The following FTCDNL1 variants were observed in gnomAD, a reference collection of about 807,000 sequenced individuals.
FTCDNL1 encodes formiminotransferase N-terminal subdomain-containing protein.
A neutral mutation model predicts 5.9 loss-of-function variants in FTCDNL1; 11 were observed. The ratio of observed to expected loss-of-function variants is 1.87; its 90% CI spans 1.18 to 3.10. FTCDNL1 has a LOEUF of 3.10. Among genes scored for constraint, FTCDNL1 ranks in the 30% most tolerant of loss-of-function variants. FTCDNL1 has a pLI of 0.00. For missense variants in FTCDNL1, 115 were observed against 65.5 expected (o/e 1.76, Z -2.61); for synonymous variants, 58 against 24.8 (o/e 2.34, Z -3.99).
chr2:199,673,818 T>C, the FTCDNL1 span, among the ~76,000 whole-genome samples: 2 of 142,948 alleles, frequency 1.4e-5, no homozygotes, highest in Admixed American at 8.8e-5. Context: ...TTAATATTAA[T>C]ATGGAAAGTA....
chr2:199,713,651 G>A, the FTCDNL1 span, among the ~76,000 whole-genome samples: 3 of 152,158 alleles, frequency 2.0e-5, no homozygotes, highest in Non-Finnish European at 2.9e-5. Flanking sequence ...AGTGTGCCGT[G>A]TTAGTCTTAT....
chr2:199,816,176 T>C (rs909228042), intron 4 of FTCDNL1, among the ~76,000 whole-genome samples: 3 of 152,180 alleles, frequency 2.0e-5, no homozygotes, highest in African/African-American at 7.2e-5. Context: ...TATTCACTGA[T>C]CCTCCTTGAA....
chr2:199,707,825 T>C, the FTCDNL1 span, among the ~76,000 whole-genome samples: 15 of 152,108 alleles, frequency 9.9e-5, no homozygotes, highest in Non-Finnish European at 2.1e-4. Context: ...ATGTCTTTGT[T>C]CATCTATACA....
chr2:199,685,227 G>A, the FTCDNL1 span, among the ~76,000 whole-genome samples: 1 of 152,082 alleles, frequency 6.6e-6, no homozygotes, highest in Non-Finnish European at 1.5e-5. Flanking sequence ...AGGGGAAACA[G>A]CACCTAAGAG....
At chr2:199,742,479 C>T in the FTCDNL1 span, among the ~76,000 whole-genome samples, 1 of 152,160 alleles carries the variant, frequency 6.6e-6, no homozygotes. Flanking sequence ...ATTTTAATTT[C>T]TTCTTTATTC....
intron 3 of FTCDNL1, among the ~76,000 whole-genome samples, chr2:199,783,382 T>A (rs1327374550): frequency 6.6e-6 from 1 of 152,218 alleles, no homozygotes; most frequent in Non-Finnish European, 1.5e-5. Flanking sequence ...ATACCTACTT[T>A]AATGACACCA....
chr2:199,760,714 G>C (rs780821135), exon 4 of FTCDNL1: 41 of 693,324 alleles, frequency 5.9e-5, no homozygotes, highest in South Asian at 4.5e-4. Flanking sequence ...AAATGGTACT[G>C]TGTGTTGGTT....
chr2:199,685,013 G>A, the FTCDNL1 span, among the ~76,000 whole-genome samples: 47 of 151,926 alleles, frequency 3.1e-4, no homozygotes, highest in East Asian at 7.9e-3. Context: ...TGATCATTTC[G>A]TTAAAATTTA....
At chr2:199,764,205 A>T (rs1698402403) in intron 3 of FTCDNL1, among the ~76,000 whole-genome samples, 1 of 152,214 alleles carries the variant, frequency 6.6e-6, no homozygotes, top group Non-Finnish European at 1.5e-5. Context: ...CTCCAAAGGG[A>T]TACACATTAC....
At chr2:199,776,726 C>T (rs1699091180) in intron 3 of FTCDNL1, among the ~76,000 whole-genome samples, 1 of 152,090 alleles carries the variant, frequency 6.6e-6, no homozygotes. Flanking sequence ...GATATTAAGA[C>T]TGATGATTCC....
Position 199,824,337 on chromosome 2 carries a change from G to C in FTCDNL1, c.212-4580C>G, listed in dbSNP as rs117475299. Among the ~76,000 whole-genome samples the C allele has an allele frequency of 2.3e-3, 348 of 152,322 alleles. 7 individuals are homozygous for C. In the East Asian group the frequency reaches 0.058, roughly 25 times the overall value. ...GAGGAAGAATTACAGCCTTTCTTTG[G>C]ATTAGGCTTTGGCTTAAGGAAATGT... On this transcript the variant is annotated intron_variant, in intron 3 of 4. Coordinates refer to ENST00000420128, the MANE Select transcript of FTCDNL1 (RefSeq NM_001363886.2).
At chr2:199,800,544 C>G (rs1193923210) in intron 3 of FTCDNL1, among the ~76,000 whole-genome samples, 1 of 152,180 alleles carries the variant, frequency 6.6e-6, no homozygotes, top group Non-Finnish European at 1.5e-5. Flanking sequence ...TTTTTAACTA[C>G]AATTATTGTG....
chr2:199,786,286 G>A (rs948877297), intron 3 of FTCDNL1, among the ~76,000 whole-genome samples: 2 of 151,668 alleles, frequency 1.3e-5, no homozygotes, highest in South Asian at 2.1e-4. Context: ...CACATAATGG[G>A]GACTTCAGAA....
the FTCDNL1 span, among the ~76,000 whole-genome samples, chr2:199,738,821 CCT>C: frequency 6.6e-6 from 1 of 152,152 alleles, no homozygotes; most frequent in East Asian, 1.9e-4. Context: ...TAAATTTCCT[CCT>C]CTCTCTCTGT....
In FTCDNL1 at chr2:199,811,770, T is replaced by C. The variant is rs115842989; in HGVS notation, c.*935A>G. The stretch of plus-strand genomic sequence containing the variant: ...ATGTCTAATAACTTCCCCCTGTTAG[T>C]AGAATTTCCAAAGTTGATCATTCTT... On this transcript the variant is annotated 3_prime_UTR_variant, in exon 5 of 5. Coordinates refer to ENST00000420128, the MANE Select transcript of FTCDNL1 (RefSeq NM_001363886.2). Among the ~76,000 whole-genome samples, 159 of 152,326 alleles carry C rather than the reference T, an allele frequency of 1.0e-3. No homozygotes were observed. Among genetic ancestry groups the C allele is most frequent in the African/African-American group, 3.4e-3 (142 of 41,582 alleles).
chr2:199,749,105 C>T, the FTCDNL1 span, among the ~76,000 whole-genome samples: 1 of 152,180 alleles, frequency 6.6e-6, no homozygotes, highest in African/African-American at 2.4e-5. Context: ...TCCTGGCTAA[C>T]TCCCACTTCT....
the FTCDNL1 span, among the ~76,000 whole-genome samples, chr2:199,667,446 G>C: frequency 6.6e-6 from 1 of 151,884 alleles, no homozygotes. Flanking sequence ...AGACTAGCCA[G>C]GGCAACATAG....
chr2:199,746,712 G>A, the FTCDNL1 span, among the ~76,000 whole-genome samples: 1 of 149,482 alleles, frequency 6.7e-6, no homozygotes, highest in African/African-American at 2.5e-5. Flanking sequence ...ATGAGACAAT[G>A]GAAAACAACC....
chr2:199,747,340 G>T, the FTCDNL1 span, among the ~76,000 whole-genome samples: 1 of 152,122 alleles, frequency 6.6e-6, no homozygotes, highest in East Asian at 1.9e-4. Flanking sequence ...TACGTCTATT[G>T]CATGGTCGTA....
Sources: allele counts gnomAD v4.1 joint callset (sites outside exome capture counted in the v4.1 genomes callset), GRCh38; gene constraint gnomAD v4.1.1; transcripts MANE v1.5; gene names NCBI Gene and HGNC (gene_info 2026-07-23, HGNC 2026-07-21).